Variants in CSMD1 observed in about 807,000 individuals in gnomAD.
The protein encoded by CSMD1 is CUB and sushi domain-containing protein 1.
Under a neutral mutation model 417.5 loss-of-function variants are expected in CSMD1, and 213 were observed. The observed-to-expected ratio is 0.51, with a 90% confidence interval of 0.46 to 0.57. The LOEUF (loss-of-function observed/expected upper bound fraction) is 0.57. Ranked by LOEUF, CSMD1 falls within the 20% of genes least tolerant of loss-of-function variation. The probability of loss-of-function intolerance (pLI) is 0.00; values close to 1 mark genes in which losing one functional copy is unlikely to be tolerated. For synonymous variants in CSMD1, 2,862 were observed against 1,736.8 expected (o/e 1.65, Z -16.11); for missense variants, 6,923 against 4,529.7 (o/e 1.53, Z -15.17).
intron 3 of CSMD1, among the ~76,000 whole-genome samples, chr8:4,414,425 G>A (rs1290660414): frequency 1.3e-5 from 2 of 152,068 alleles, no homozygotes; most frequent in African/African-American, 2.4e-5. Flanking sequence ...TAAAATAAAT[G>A]TTCAATGGAT....
chr8:4,565,788 ATATATATATGTATACATATATATATT>A (rs1308075121), intron 2 of CSMD1, among the ~76,000 whole-genome samples: 56 of 74,622 alleles, frequency 7.5e-4, no homozygotes, highest in African/African-American at 2.2e-3. Flanking sequence ...ATATATATAT[ATATATATATGTATACATATATATATT>A]ATATACACAC....
chr8:4,408,395 T>C (rs1796461181), intron 3 of CSMD1, among the ~76,000 whole-genome samples: 1 of 152,216 alleles, frequency 6.6e-6, no homozygotes, highest in African/African-American at 2.4e-5. Flanking sequence ...CATTTTACCC[T>C]ATGAAAGGAT....
chr8:4,597,157 C>T (rs908222637), intron 2 of CSMD1, among the ~76,000 whole-genome samples: 3 of 152,008 alleles, frequency 2.0e-5, no homozygotes, highest in East Asian at 1.9e-4. Flanking sequence ...GTTTCCTCTC[C>T]TCAGTCAAAA....
chr8:3,451,323 G>C (rs1239702426), intron 12 of CSMD1, among the ~76,000 whole-genome samples: 1 of 152,124 alleles, frequency 6.6e-6, no homozygotes, highest in Non-Finnish European at 1.5e-5. Context: ...AGTTTAATTA[G>C]ATCCCATGTG....
chr8:3,269,425 C>G (rs1801673685), intron 26 of CSMD1, among the ~76,000 whole-genome samples: 1 of 152,240 alleles, frequency 6.6e-6, no homozygotes, highest in Admixed American at 6.5e-5. Context: ...ATAAAACAGT[C>G]CCAGCCTGTT....
intron 2 of CSMD1, among the ~76,000 whole-genome samples, chr8:4,597,673 AT>A (rs1800359818): frequency 6.6e-6 from 1 of 152,214 alleles, no homozygotes; most frequent in Non-Finnish European, 1.5e-5. Context: ...CAGAAAAAAA[AT>A]GTTAAAGGAT....
At chr8:3,549,054 A>C (rs1397177327) in intron 10 of CSMD1, among the ~76,000 whole-genome samples, 2 of 152,096 alleles carry the variant, frequency 1.3e-5, no homozygotes, top group Non-Finnish European at 2.9e-5. Flanking sequence ...GCCATCCCTG[A>C]TATCAACCCC....
intron 5 of CSMD1, among the ~76,000 whole-genome samples, chr8:3,851,953 G>T (rs1803940266): frequency 6.6e-6 from 1 of 152,160 alleles, no homozygotes; most frequent in Admixed American, 6.5e-5. Context: ...GAGCTAGAGA[G>T]ATAGCAGGTT....
intron 1 of CSMD1, among the ~76,000 whole-genome samples, chr8:4,879,193 G>C (rs1203957826): frequency 6.6e-6 from 1 of 152,038 alleles, no homozygotes; most frequent in Non-Finnish European, 1.5e-5. Flanking sequence ...GGCACAGAGA[G>C]ACAGGCCAAT....
intron 3 of CSMD1, among the ~76,000 whole-genome samples, chr8:4,139,903 G>C (rs1803678722): frequency 6.6e-6 from 1 of 150,962 alleles, no homozygotes; most frequent in East Asian, 1.9e-4. Context: ...TGGAAGGGAG[G>C]ACACCTCATC....
intron 12 of CSMD1, among the ~76,000 whole-genome samples, chr8:3,454,806 C>T (rs559837472): frequency 1.1e-4 from 16 of 152,120 alleles, no homozygotes; most frequent in Non-Finnish European, 2.2e-4. Context: ...TTGCTCTTCT[C>T]GAGGAGTATC....
intron 1 of CSMD1, among the ~76,000 whole-genome samples, chr8:4,690,597 G>A (rs1036495715): frequency 2.0e-5 from 3 of 152,120 alleles, no homozygotes; most frequent in African/African-American, 7.2e-5. Flanking sequence ...TTAGCAAAAA[G>A]CATGCTTGTT....
chr8:4,403,247 A>G (rs1488958194), intron 3 of CSMD1, among the ~76,000 whole-genome samples: 1 of 152,204 alleles, frequency 6.6e-6, no homozygotes, highest in African/African-American at 2.4e-5. Flanking sequence ...CATTTCTCCT[A>G]CGTTAAAGGC....
At chr8:4,916,255 C>A (rs537212511) in intron 1 of CSMD1, among the ~76,000 whole-genome samples, 1 of 149,228 alleles carries the variant, frequency 6.7e-6, no homozygotes, top group African/African-American at 2.6e-5. Flanking sequence ...CGGCACACTA[C>A]GATGACAAGA....
At chr8:3,733,007 G>C (rs1398473539) in intron 6 of CSMD1, among the ~76,000 whole-genome samples, 1 of 151,882 alleles carries the variant, frequency 6.6e-6, no homozygotes, top group East Asian at 1.9e-4. Flanking sequence ...AAAGATACGT[G>C]TGCCCTGATC....
At chr8:3,740,844 G>A (rs532678549) in intron 6 of CSMD1, among the ~76,000 whole-genome samples, 61 of 152,242 alleles carry the variant, frequency 4.0e-4, no homozygotes, top group African/African-American at 1.4e-3. Flanking sequence ...GCCCAGTGGA[G>A]GAGAGTATAG....
chr8:3,506,285 A>T (rs1490998113), intron 10 of CSMD1, among the ~76,000 whole-genome samples: 1 of 152,162 alleles, frequency 6.6e-6, no homozygotes, highest in Non-Finnish European at 1.5e-5. Flanking sequence ...GACACTACTT[A>T]AGTGCCTCAG....
intron 10 of CSMD1, among the ~76,000 whole-genome samples, chr8:3,563,200 T>C (rs1012780616): frequency 6.6e-6 from 1 of 152,060 alleles, no homozygotes; most frequent in African/African-American, 2.4e-5. Flanking sequence ...GGGTTTTTTG[T>C]TTGTTTTCTA....
chr8:4,434,878 C>A (rs977277617), intron 2 of CSMD1, among the ~76,000 whole-genome samples: 1 of 152,156 alleles, frequency 6.6e-6, no homozygotes, highest in Non-Finnish European at 1.5e-5. Context: ...ACATCTTTTT[C>A]CTCAAGAAAA....
Sources: gnomAD v4.1 joint callset for allele counts (sites outside exome capture counted in the v4.1 genomes callset) on GRCh38, gnomAD v4.1.1 for gene constraint, MANE v1.5 for transcripts, NCBI Gene and HGNC (gene_info 2026-07-23, HGNC 2026-07-21) for gene names.